VPS35L: variants seen among roughly 807,000 people sequenced by gnomAD.
The protein encoded by VPS35L is VPS35 endosomal protein-sorting factor-like.
In VPS35L, 83 loss-of-function variants were observed where a neutral mutation model predicts 133.0. The observed-to-expected ratio is 0.62, with a 90% CI of 0.52 to 0.75. VPS35L has a LOEUF of 0.75. Ranked by LOEUF, VPS35L falls within the 30% of genes least tolerant of loss-of-function variation. VPS35L has a pLI of 0.00. For missense variants in VPS35L, 1,083 were observed against 1,206.8 expected (o/e 0.90, Z 1.52); for synonymous variants, 423 against 449.9 (o/e 0.94, Z 0.76).
chr16:19,570,756 C>T (rs1971335053), intron 3 of VPS35L, among the ~76,000 whole-genome samples: 1 of 149,428 alleles, frequency 6.7e-6, no homozygotes, highest in Admixed American at 6.8e-5. Context: ...GATAACAAGT[C>T]ACATCCAAGC....
At chr16:19,589,150 AT>A (rs950088215) in intron 7 of VPS35L, among the ~76,000 whole-genome samples, 6 of 151,932 alleles carry the variant, frequency 3.9e-5, no homozygotes, top group African/African-American at 1.5e-4. Flanking sequence ...GAGTTTTGCA[AT>A]TTTTAAGATG....
At chr16:19,597,864 C>T (rs1274982918) in intron 8 of VPS35L, among the ~76,000 whole-genome samples, 3 of 152,172 alleles carry the variant, frequency 2.0e-5, no homozygotes, top group Non-Finnish European at 2.9e-5. Flanking sequence ...TTTTTCTGCA[C>T]ATGGTCATTA....
chr16:19,629,852 A>G lies in VPS35L; in HGVS notation c.1554+32A>G, dbSNP rs145013037. On this transcript the variant is annotated intron_variant, in intron 18 of 30. Coordinates refer to ENST00000417362, the MANE Select transcript of VPS35L (RefSeq NM_020314.7). ...GTGACTGTGGTATTGTTTTTGAAAG[A>G]ATTAGATTTTTTCATGTTTATAATA... 2.7e-4 allele frequency: 435 copies of G among 1,602,436 alleles called. 1 individual carries two copies. The African/African-American group carries it at 4.5e-3, about 17-fold the overall frequency.
At chr16:19,660,089 G>A (rs750711367) in intron 26 of VPS35L, among the ~76,000 whole-genome samples, 17 of 152,116 alleles carry the variant, frequency 1.1e-4, no homozygotes, top group Non-Finnish European at 1.5e-4. Flanking sequence ...ACTTTGGGAG[G>A]CCGAGACGGT....
intron 9 of VPS35L, among the ~76,000 whole-genome samples, chr16:19,602,894 G>A (rs999171790): frequency 6.6e-6 from 1 of 151,344 alleles, no homozygotes; most frequent in African/African-American, 2.4e-5. Context: ...ATGAGCAACC[G>A]TGCCCGTCCC....
intron 12 of VPS35L, among the ~76,000 whole-genome samples, chr16:19,615,148 C>T (rs898801449): frequency 7.9e-5 from 12 of 152,134 alleles, no homozygotes; most frequent in African/African-American, 2.9e-4. Context: ...AAGTACAACC[C>T]CATGTGTGTT....
At chr16:19,591,911 T>C in intron 8 of VPS35L, 37 bp downstream of exon 8, 2 of 1,485,018 alleles carry the variant, frequency 1.3e-6, no homozygotes, top group South Asian at 1.1e-5. Flanking sequence ...ATCTAGGAAA[T>C]GTGTTCGTTT....
chr16:19,675,793 G>GC (rs1034815960), intron 27 of VPS35L, among the ~76,000 whole-genome samples: 1 of 151,472 alleles, frequency 6.6e-6, no homozygotes, highest in Non-Finnish European at 1.5e-5. Flanking sequence ...CAGGTGCTCA[G>GC]CCCCCCTCCG....
intron 8 of VPS35L, among the ~76,000 whole-genome samples, chr16:19,593,188 C>T (rs557496317): frequency 8.5e-4 from 130 of 152,258 alleles, no homozygotes; most frequent in African/African-American, 2.8e-3. Flanking sequence ...TAGGCCAGAA[C>T]ATCGTGCCAT....
chr16:19,609,937 T>C (rs769598980), intron 11 of VPS35L, among the ~76,000 whole-genome samples: 3 of 152,086 alleles, frequency 2.0e-5, no homozygotes, highest in Non-Finnish European at 4.4e-5. Context: ...AGGAACAGGG[T>C]ACGGGACAGT....
intron 9 of VPS35L, among the ~76,000 whole-genome samples, chr16:19,603,265 T>C (rs1567414688): frequency 6.6e-6 from 1 of 152,104 alleles, no homozygotes; most frequent in Non-Finnish European, 1.5e-5. Flanking sequence ...AGAGCCTTGC[T>C]CTTTCTTAGT....
At chr16:19,575,964 T>C (rs1165286966) in intron 5 of VPS35L, among the ~76,000 whole-genome samples, 1 of 141,064 alleles carries the variant, frequency 7.1e-6, no homozygotes, top group Non-Finnish European at 1.5e-5. Flanking sequence ...GAGACCAGCC[T>C]GGCCAACAAT....
chr16:19,643,296 C>T (rs539668222), intron 22 of VPS35L, among the ~76,000 whole-genome samples: 3 of 152,256 alleles, frequency 2.0e-5, no homozygotes, highest in South Asian at 2.1e-4. Context: ...CACTTAGATT[C>T]GTGAGACATT....
chr16:19,632,690 AAGTGAAC>A (rs1276803931), intron 18 of VPS35L, among the ~76,000 whole-genome samples: 1 of 152,226 alleles, frequency 6.6e-6, no homozygotes. Flanking sequence ...TAGGTGACAA[AAGTGAAC>A]AGTGAGCAGT....
chr16:19,604,688 A>G (rs1025583021), intron 9 of VPS35L, among the ~76,000 whole-genome samples: 2 of 152,356 alleles, frequency 1.3e-5, no homozygotes, highest in African/African-American at 4.8e-5. Flanking sequence ...AATTCTGCCC[A>G]AAGAGATTAT....
rs141271011 is a variant in VPS35L, at chr16:19,573,023, C to T, written c.286-96C>T. The T allele has an allele frequency of 1.3e-3, 1,785 of 1,327,324 alleles. 4 individuals carry two copies. Among genetic ancestry groups the T allele is most frequent in the Middle Eastern group, 6.2e-3 (24 of 3,862 alleles). The allele number at this position is 1,327,324 out of a possible 1,614,324, so 82.2% of individuals were successfully genotyped here. ...AACCTTGAGACAAATCTCTTTTATTCCACAGTAAAGGACTATCTGGCTTCT... is the reference window on the plus strand; with the variant it reads ...AACCTTGAGACAAATCTCTTTTATTTCACAGTAAAGGACTATCTGGCTTCT... On this transcript the variant is annotated intron_variant, in intron 3 of 30. Transcript: ENST00000417362.
chr16:19,592,756 G>A (rs1023666318), intron 8 of VPS35L, among the ~76,000 whole-genome samples: 4 of 151,036 alleles, frequency 2.6e-5, no homozygotes, highest in Admixed American at 2.0e-4. Flanking sequence ...CGTGATGTTG[G>A]CTCACTGCAA....
rs1016563048 is a variant in VPS35L at position 19,699,448 on chromosome 16, C to T, written c.2647-54C>T. 1.6e-5 allele frequency: 26 copies of T among 1,602,130 alleles called. No homozygotes were observed. The highest frequency in any genetic ancestry group is 5.4e-5 in the African/African-American group (4 of 74,708). On this transcript the variant is annotated intron_variant, in intron 29 of 30. Transcript: ENST00000417362. This position sits in a 1 kb window ranked among gnomAD's most constrained non-coding sequence, Gnocchi z 4.2. ...GTCAGCACTGTCCACAGCATCTCTG[C>T]GGGGCACGGCCTGAGCCCCAGTGCA...
intron 26 of VPS35L, 78 bp downstream of exon 26, chr16:19,652,168 A>G (rs1216067583): frequency 2.0e-6 from 2 of 1,000,136 alleles, no homozygotes; most frequent in Non-Finnish European, 3.1e-6. Flanking sequence ...GTATGTGTGT[A>G]GAGAGAGACA....
Sources: gnomAD v4.1 joint callset for allele counts (sites outside exome capture counted in the v4.1 genomes callset) on GRCh38, gnomAD v4.1.1 for gene constraint, Gnocchi (gnomAD v3.1) non-coding constraint, MANE v1.5 for transcripts, NCBI Gene and HGNC (gene_info 2026-07-23, HGNC 2026-07-21) for gene names.